Variants in THEMIS observed in about 807,000 individuals in gnomAD.
The protein encoded by THEMIS is thymocyte selection associated.
In THEMIS, 37 loss-of-function variants were observed where a neutral mutation model predicts 52.6. The ratio of observed to expected loss-of-function variants is 0.70; its 90% confidence interval spans 0.54 to 0.93. The LOEUF (loss-of-function observed/expected upper bound fraction) is 0.93. Ranked by LOEUF, THEMIS falls within the 40% of genes least tolerant of loss-of-function variation. The pLI, the probability that THEMIS is intolerant of heterozygous loss-of-function variation, is 0.00. For synonymous variants in THEMIS, 292 were observed against 272.7 expected (o/e 1.07, Z -0.70); for missense variants, 808 against 763.1 (o/e 1.06, Z -0.69).
chr6:127,840,072 A>G (rs1013418102), intron 2 of THEMIS, among the ~76,000 whole-genome samples: 1 of 152,138 alleles, frequency 6.6e-6, no homozygotes, highest in Non-Finnish European at 1.5e-5. Context: ...CCCTCAAAAA[A>G]GCAGTTAGAT....
At chr6:127,778,115 T>C (rs1353952632) in intron 4 of THEMIS, among the ~76,000 whole-genome samples, 2 of 152,128 alleles carry the variant, frequency 1.3e-5, no homozygotes, top group East Asian at 1.9e-4. Flanking sequence ...GTCTCAGTGC[T>C]GAAGGAATTT....
At chr6:127,795,741 GA>G (rs149659265) in intron 4 of THEMIS, among the ~76,000 whole-genome samples, 1 of 152,096 alleles carries the variant, frequency 6.6e-6, no homozygotes, top group African/African-American at 2.4e-5. Flanking sequence ...AGAAGAAGAA[GA>G]AAAAAATTAA....
chr6:127,735,092 T>C, intron 4 of THEMIS, among the ~76,000 whole-genome samples: 1 of 151,540 alleles, frequency 6.6e-6, no homozygotes, highest in East Asian at 1.9e-4. Context: ...TTGTTAGATC[T>C]ATAGTCTCAG....
chr6:127,787,440 C>T (rs991109880), intron 4 of THEMIS, among the ~76,000 whole-genome samples: 2 of 152,140 alleles, frequency 1.3e-5, no homozygotes, highest in African/African-American at 4.8e-5. Flanking sequence ...CTGCTGCACC[C>T]ATGTCACCAT....
intron 5 of THEMIS, among the ~76,000 whole-genome samples, chr6:127,719,299 A>G (rs995265607): frequency 6.6e-6 from 1 of 151,940 alleles, no homozygotes; most frequent in African/African-American, 2.4e-5. Flanking sequence ...GCTTGCATTC[A>G]GTGACTTATC....
rs532100951 is a variant in THEMIS at position 127,865,161 on chromosome 6, T to A, written c.92-9973A>T. 2.8e-4 allele frequency among the ~76,000 whole-genome samples: 42 copies of A among 152,010 alleles called. 1 individual carries two copies. The highest frequency in any genetic ancestry group is 2.6e-4 in the Non-Finnish European group (18 of 68,004). On this transcript the variant is annotated intron_variant, in intron 1 of 5. Coordinates refer to ENST00000368248, the MANE Select transcript of THEMIS (RefSeq NM_001010923.3). ...TGCAGCACCCCCTTAGAGGTCAAAC[T>A]CATACAGTGTGGCCAAGGACCTCAG... is the stretch of plus-strand genomic sequence containing the variant.
chr6:127,847,988 C>T (rs1583347450), intron 2 of THEMIS, among the ~76,000 whole-genome samples: 2 of 150,570 alleles, frequency 1.3e-5, no homozygotes, highest in South Asian at 2.1e-4. Context: ...TACATATGTA[C>T]ACGTGTGCCA....
At chr6:127,703,059 T>G in the THEMIS span, among the ~76,000 whole-genome samples, 7,164 of 126,720 alleles carry the variant, frequency 0.057, 206 homozygotes, top group Non-Finnish European at 0.083. Context: ...TTTTTTTTTT[T>G]TTTTTTGAGA....
At chr6:127,859,450 C>A (rs974167975) in intron 1 of THEMIS, among the ~76,000 whole-genome samples, 5 of 151,934 alleles carry the variant, frequency 3.3e-5, no homozygotes, top group Non-Finnish European at 7.4e-5. Flanking sequence ...GAGACATTAT[C>A]TTAACTATAT....
intron 2 of THEMIS, among the ~76,000 whole-genome samples, chr6:127,834,782 G>C (rs138124776): frequency 6.6e-6 from 1 of 152,078 alleles, no homozygotes; most frequent in Non-Finnish European, 1.5e-5. Flanking sequence ...TCCTTGAAAG[G>C]AGTGACTGCA....
intron 1 of THEMIS, among the ~76,000 whole-genome samples, chr6:127,863,638 A>G (rs1035801339): frequency 3.3e-5 from 5 of 152,188 alleles, no homozygotes; most frequent in African/African-American, 1.2e-4. Flanking sequence ...GTTGCCCATT[A>G]TAAAACTACC....
intron 3 of THEMIS, among the ~76,000 whole-genome samples, chr6:127,827,253 C>A (rs535846124): frequency 2.0e-5 from 3 of 152,244 alleles, no homozygotes; most frequent in East Asian, 3.9e-4. Flanking sequence ...GGCAAAAATG[C>A]CTACAACAAT....
Position 127,894,574 on chromosome 6 carries a change from C to T in THEMIS, c.91+6268G>A, listed in dbSNP as rs149738333. The stretch of plus-strand genomic sequence containing the variant: ...GAAGCAAAGTATTAAACATGGCTGC[C>T]GATTCAACATAGGAGGCTGGAAAAG... On this transcript the variant is annotated intron_variant, in intron 1 of 5. Transcript: ENST00000368248. 3.6e-3 allele frequency among the ~76,000 whole-genome samples: 548 copies of T among 151,496 alleles called. 4 individuals are homozygous for T. Among genetic ancestry groups the T allele is most frequent in the African/African-American group, 4.1e-3 (169 of 41,398 alleles).
rs1268021445 is a variant in THEMIS at position 127,861,949 on chromosome 6, T to TATTGTATTTTATCAAAGTACTA, written c.92-6783_92-6762dup. On this transcript the variant is annotated intron_variant, in intron 1 of 5. Coordinates refer to ENST00000368248, the MANE Select transcript of THEMIS (RefSeq NM_001010923.3). ...AAATTTTATTTTTATAACTCATTTT[T>TATTGTATTTTATCAAAGTACTA]ATTGTATTTTATCAAAGTACTAATT... is the stretch of plus-strand genomic sequence containing the variant. Among the ~76,000 whole-genome samples the TATTGTATTTTATCAAAGTACTA allele has an allele frequency of 2.6e-5, 4 of 152,246 alleles. No homozygotes were observed. The East Asian group carries it at 7.7e-4, about 29-fold the overall frequency.
chr6:127,839,354 T>C (rs1363988628), intron 2 of THEMIS, among the ~76,000 whole-genome samples: 1 of 152,142 alleles, frequency 6.6e-6, no homozygotes, highest in East Asian at 1.9e-4. Context: ...TGTATTCTTA[T>C]ATGTAAGAAT....
At chr6:127,912,255 G>A (rs112187412) in intron 1 of THEMIS, among the ~76,000 whole-genome samples, 2,682 of 152,234 alleles carry the variant, frequency 0.018, 87 homozygotes, top group African/African-American at 0.06. Flanking sequence ...AAATAGGTGT[G>A]TTTACTCAAT....
intron 1 of THEMIS, among the ~76,000 whole-genome samples, chr6:127,907,343 T>TTTTTTTTTTG (rs1781299862): frequency 1.2e-5 from 1 of 86,944 alleles, no homozygotes; most frequent in Non-Finnish European, 2.2e-5. Context: ...TCGGATTTTT[T>TTTTTTTTTTG]TTTTTTTTTT....
intron 1 of THEMIS, among the ~76,000 whole-genome samples, chr6:127,857,593 C>T (rs748640505): frequency 8.6e-5 from 13 of 151,994 alleles, no homozygotes; most frequent in Non-Finnish European, 1.6e-4. Context: ...ATCTACATTT[C>T]CAGTTATCAT....
intron 4 of THEMIS, among the ~76,000 whole-genome samples, chr6:127,766,627 A>T (rs1354303293): frequency 6.6e-6 from 1 of 152,226 alleles, no homozygotes; most frequent in Non-Finnish European, 1.5e-5. Context: ...TAAATGGGAT[A>T]GCCTATTGTT....
Sources: allele counts gnomAD v4.1 joint callset (sites outside exome capture counted in the v4.1 genomes callset), GRCh38; gene constraint gnomAD v4.1.1; transcripts MANE v1.5; gene names NCBI Gene and HGNC (gene_info 2026-07-23, HGNC 2026-07-21).